NCAM1: variants seen among roughly 807,000 people sequenced by gnomAD.
NCAM1 encodes neural cell adhesion molecule 1, also known as antigen recognized by monoclonal antibody 5.1H11.
Under a neutral mutation model 109.8 loss-of-function variants are expected in NCAM1, and 14 were observed. The observed-to-expected ratio is 0.13, with a 90% CI of 0.08 to 0.20. The LOEUF (loss-of-function observed/expected upper bound fraction) is 0.20. NCAM1 is among the 10% of genes least tolerant of loss of function. The probability of loss-of-function intolerance (pLI) is 1.00; values close to 1 mark genes in which losing one functional copy is unlikely to be tolerated. For missense variants in NCAM1, 774 were observed against 1,109.9 expected (o/e 0.70, Z 4.30); for synonymous variants, 418 against 442.9 (o/e 0.94, Z 0.70).
intron 1 of NCAM1, among the ~76,000 whole-genome samples, chr11:113,076,416 AT>A (rs1364718501): frequency 6.6e-6 from 1 of 152,202 alleles, no homozygotes; most frequent in Non-Finnish European, 1.5e-5. Flanking sequence ...CTCTAGGCCA[AT>A]GGCAACACAA....
intron 7 of NCAM1, 92 bp from the exon 8 acceptor site, chr11:113,214,277 C>T (rs1944465141): frequency 7.2e-7 from 1 of 1,381,428 alleles, no homozygotes; most frequent in Non-Finnish European, 1.0e-6. Flanking sequence ...ACTTAGCAGA[C>T]AGCTAACCTT....
At position 113,214,643 on chromosome 11, in the gene NCAM1, G is replaced by A. The variant is rs1474629487; in HGVS notation, c.1059+132G>A. 4 of 1,023,098 alleles carry A rather than the reference G, an allele frequency of 3.9e-6. No individual in the cohort carries two copies. In the East Asian group the frequency reaches 7.8e-5, roughly 20 times the overall value. 63.4% of individuals were successfully genotyped at this position (1,023,098 alleles called of 1,614,324 possible). A position where few individuals can be genotyped will look rare whatever the true frequency, so the allele number is the denominator to read the frequency against. On this transcript the variant is annotated intron_variant, in intron 8 of 19. Coordinates refer to ENST00000316851, the MANE Select transcript of NCAM1 (RefSeq NM_181351.5). ...ACCAGAGGCCACAGCCAGATCCCGGGGCCTCCCTCCCCAACCCTGCAGGAC... is the reference window on the plus strand; with the variant it reads ...ACCAGAGGCCACAGCCAGATCCCGGAGCCTCCCTCCCCAACCCTGCAGGAC...
rs374556285 is a variant in NCAM1 at position 113,076,161 on chromosome 11, T to A, written c.52+114497T>A. ...TCGGGCAGCGTCACCAAACTCAGTGTCCCTGGTCAGAAGGCCCCACACACA... is the reference window on the plus strand; with the variant it reads ...TCGGGCAGCGTCACCAAACTCAGTGACCCTGGTCAGAAGGCCCCACACACA... On this transcript the variant is annotated intron_variant, in intron 1 of 19. Transcript: ENST00000316851. Among the ~76,000 whole-genome samples, 14 of 91,616 alleles carry A rather than the reference T, an allele frequency of 1.5e-4. No homozygotes were observed. In the East Asian group the frequency reaches 4.2e-3, roughly 27 times the overall value. The allele number at this position is 91,616 out of a possible 152,430, so 60.1% of individuals were successfully genotyped here.
intron 1 of NCAM1, chr11:113,133,956 T>C (rs1941504717): frequency 6.6e-6 from 1 of 152,230 alleles, no homozygotes; most frequent in South Asian, 2.1e-4. Flanking sequence ...CTACCATATA[T>C]TCTTTTTTCT....
intron 14 of NCAM1, 38 bp downstream of exon 14, chr11:113,235,202 C>A (rs781878316): frequency 1.2e-6 from 2 of 1,613,638 alleles, no homozygotes; most frequent in Non-Finnish European, 1.7e-6. Context: ...CCCAGCCCAC[C>A]TTCTTCTCCC....
chr11:113,237,873 GATAT>G (rs1419157154), intron 14 of NCAM1, among the ~76,000 whole-genome samples: 2 of 57,636 alleles, frequency 3.5e-5, no homozygotes, highest in African/African-American at 9.7e-5. Flanking sequence ...TAGATATATA[GATAT>G]ATATAGATAT....
At chr11:113,248,322 T>C (rs1312168228) in intron 15 of NCAM1, among the ~76,000 whole-genome samples, 1 of 151,012 alleles carries the variant, frequency 6.6e-6, no homozygotes, top group Admixed American at 6.6e-5. Flanking sequence ...TGACAGACCC[T>C]CTCCTGCCAT....
intron 1 of NCAM1, among the ~76,000 whole-genome samples, chr11:113,032,460 T>A (rs1394390218): frequency 6.6e-6 from 1 of 152,142 alleles, no homozygotes; most frequent in Non-Finnish European, 1.5e-5. Context: ...TCCCGTCGGC[T>A]GACTCACAGG....
chr11:113,270,495 T>C, intron 18 of NCAM1, 100 bp downstream of exon 18: 1 of 1,109,424 alleles, frequency 9.0e-7, no homozygotes, highest in African/African-American at 1.6e-5. Context: ...TGCCTTTCCT[T>C]TCATTGCACG....
chr11:113,194,189 T>C (rs782527086), intron 1 of NCAM1, among the ~76,000 whole-genome samples: 3 of 152,232 alleles, frequency 2.0e-5, no homozygotes, highest in Non-Finnish European at 4.4e-5. Flanking sequence ...TTGCGTAGGA[T>C]AGAGTATTTA....
chr11:113,254,574 G>A (rs1945787801), intron 15 of NCAM1, among the ~76,000 whole-genome samples: 1 of 152,204 alleles, frequency 6.6e-6, no homozygotes, highest in Non-Finnish European at 1.5e-5. Flanking sequence ...TCAAAGGAAG[G>A]TGGTTCCCAG....
chr11:113,009,312 G>GTTTTTTTGTTTTTTTTTTTTTT (rs1555073910), intron 1 of NCAM1, among the ~76,000 whole-genome samples: 5 of 79,656 alleles, frequency 6.3e-5, no homozygotes, highest in South Asian at 5.9e-4. Context: ...GTTTTTTCGG[G>GTTTTTTTGTTTTTTTTTTTTTT]TTTTTTTTTT....
intron 1 of NCAM1, among the ~76,000 whole-genome samples, chr11:113,153,460 G>GAA (rs1200317066): frequency 6.7e-6 from 1 of 149,198 alleles, no homozygotes; most frequent in Non-Finnish European, 1.5e-5. Context: ...GAGTGAGAGA[G>GAA]AGAGAGAGAG....
chr11:113,231,703 A>G lies in NCAM1; in HGVS notation c.1148A>G (p.Lys383Arg), dbSNP rs1158997475. 7.4e-6 allele frequency: 12 copies of G among 1,613,832 alleles called. No individual in the cohort carries two copies. Among genetic ancestry groups the G allele is most frequent in the Non-Finnish European group, 1.0e-5 (12 of 1,179,880 alleles). The stretch of plus-strand genomic sequence containing the variant: ...GCCCGTGTGTCGTCGCTGACCCTGA[A>G]GAGCATCCAGTACACTGATGCCGGA... ...SHARVSSLTLKSIQYTDAGEY... is the reference protein window; with the variant it reads ...SHARVSSLTLRSIQYTDAGEY... The change falls in exon 10 of 20, where the codon AAG becomes AGG. Residue 383 changes from lysine to arginine, a missense_variant. By Grantham distance (26) the Lys-to-Arg change is conservative. Around this residue, in one of 4 missense-constraint regions of NCAM1, gnomAD observed 523 missense variants for 784.2 expected, o/e 0.67. Transcript: ENST00000316851.
At chr11:113,217,370 G>T (rs1006133775) in intron 8 of NCAM1, among the ~76,000 whole-genome samples, 1 of 152,118 alleles carries the variant, frequency 6.6e-6, no homozygotes, top group Non-Finnish European at 1.5e-5. Context: ...AAAACTCTCC[G>T]ACTTTCCTCC....
intron 1 of NCAM1, among the ~76,000 whole-genome samples, chr11:112,987,001 C>T (rs1410632655): frequency 6.6e-6 from 1 of 151,960 alleles, no homozygotes; most frequent in Non-Finnish European, 1.5e-5. Flanking sequence ...TTACTTCAAA[C>T]CATTATTCTT....
chr11:113,126,612 C>A (rs1456625131), intron 1 of NCAM1, among the ~76,000 whole-genome samples: 1 of 152,162 alleles, frequency 6.6e-6, no homozygotes, highest in Admixed American at 6.5e-5. Flanking sequence ...GTATTCTCAG[C>A]GGATGCAATT....
intron 1 of NCAM1, among the ~76,000 whole-genome samples, chr11:113,129,456 G>C (rs1210767690): frequency 6.6e-6 from 1 of 151,964 alleles, no homozygotes; most frequent in Non-Finnish European, 1.5e-5. Flanking sequence ...ACAAGGACCT[G>C]TATTTTTTTT....
chr11:113,242,822 G>T, intron 14 of NCAM1: 2 of 1,613,804 alleles, frequency 1.2e-6, no homozygotes, highest in Non-Finnish European at 1.7e-6. Flanking sequence ...GCCTCTTCCT[G>T]CCCTTGCAAC....
Sources: gnomAD v4.1 joint callset for allele counts (sites outside exome capture counted in the v4.1 genomes callset) on GRCh38, gnomAD v4.1.1 for gene constraint, gnomAD v4.1.1 regional missense constraint, MANE v1.5 for transcripts, NCBI Gene and HGNC (gene_info 2026-07-23, HGNC 2026-07-21) for gene names.